Variants in NCK2 observed in about 807,000 individuals in gnomAD.
The protein encoded by NCK2 is NCK adaptor protein 2.
A neutral mutation model predicts 33.9 loss-of-function variants in NCK2; 16 were observed. That is an observed-to-expected ratio of 0.47 (90% CI 0.32 to 0.72). NCK2 has a LOEUF of 0.72. Among genes scored for constraint, NCK2 ranks in the 30% least tolerant of loss-of-function variants. The probability of loss-of-function intolerance (pLI) is 0.03; values close to 1 mark genes in which losing one functional copy is unlikely to be tolerated. For synonymous variants in NCK2, 273 were observed against 239.9 expected (o/e 1.14, Z -1.27); for missense variants, 418 against 537.3 (o/e 0.78, Z 2.19).
At chr2:105,882,312 T>A (rs754966125) in intron 4 of NCK2, among the ~76,000 whole-genome samples, 1 of 152,210 alleles carries the variant, frequency 6.6e-6, no homozygotes, top group African/African-American at 2.4e-5. Flanking sequence ...TCTCCCAAGA[T>A]TCCCCCTCTT....
At chr2:105,869,224 G>A (rs1296416205) in intron 3 of NCK2, among the ~76,000 whole-genome samples, 2 of 152,082 alleles carry the variant, frequency 1.3e-5, no homozygotes, top group African/African-American at 2.4e-5. Context: ...ATAGAGGTGC[G>A]TGCATACCTT....
At chr2:105,862,102 AG>A (rs1442338444) in intron 3 of NCK2, among the ~76,000 whole-genome samples, 1 of 152,198 alleles carries the variant, frequency 6.6e-6, no homozygotes, top group African/African-American at 2.4e-5. Flanking sequence ...ATGTAATGAG[AG>A]CAGCAACAGC....
chr2:105,859,659 A>C (rs1677437399), intron 3 of NCK2, among the ~76,000 whole-genome samples: 1 of 152,240 alleles, frequency 6.6e-6, no homozygotes, highest in East Asian at 1.9e-4. Flanking sequence ...TGAAATTGAC[A>C]GGGTTCTGAG....
intron 2 of NCK2, among the ~76,000 whole-genome samples, chr2:105,828,163 G>A (rs1676024195): frequency 6.6e-6 from 1 of 152,164 alleles, no homozygotes; most frequent in South Asian, 2.1e-4. Flanking sequence ...GTAGTTTGTA[G>A]TTTGGGATCT....
chr2:105,832,654 G>A lies in NCK2; in HGVS notation c.-17+16041G>A, dbSNP rs57930309. 8.4e-3 allele frequency among the ~76,000 whole-genome samples: 1,265 copies of A among 150,892 alleles called. 7 individuals are homozygous for A. Among genetic ancestry groups the A allele is most frequent in the African/African-American group, 0.019 (767 of 41,228 alleles). On this transcript the variant is annotated intron_variant, in intron 2 of 4. Transcript: ENST00000233154. Reference sequence around the variant, plus strand: ...TGCATTTCTGGAATGTGTCCCACTTGATCATGGTGTATTGTCTTTTTGATA... The same window carrying A: ...TGCATTTCTGGAATGTGTCCCACTTAATCATGGTGTATTGTCTTTTTGATA...
intron 1 of NCK2, among the ~76,000 whole-genome samples, chr2:105,809,914 C>T (rs1351756710): frequency 6.6e-6 from 1 of 152,146 alleles, no homozygotes; most frequent in Non-Finnish European, 1.5e-5. Flanking sequence ...CAGTTCCCAA[C>T]ACTGAGGGGG....
rs554425387 is a variant in NCK2, at chr2:105,767,786, A to AAGG, written c.-201+22659_-201+22661dup. On this transcript the variant is annotated intron_variant, in intron 1 of 4. Transcript: ENST00000233154. ...GAGGTTTCCGTGCCCGCACCTGGGA[A>AAGG]AGGAGGAGGAGGATACCCATTGTCT... 3.6e-4 allele frequency among the ~76,000 whole-genome samples: 55 copies of AAGG among 152,262 alleles called. No individual in the cohort carries two copies. The East Asian group carries it at 5.2e-3, about 14-fold the overall frequency.
At chr2:105,823,211 G>A (rs1344797527) in intron 2 of NCK2, among the ~76,000 whole-genome samples, 2 of 151,216 alleles carry the variant, frequency 1.3e-5, no homozygotes, top group Non-Finnish European at 2.9e-5. Flanking sequence ...TTAGTAAACT[G>A]GACCTTGAAC....
intron 3 of NCK2, among the ~76,000 whole-genome samples, chr2:105,876,726 G>C (rs929014038): frequency 3.3e-5 from 5 of 152,238 alleles, no homozygotes; most frequent in African/African-American, 1.2e-4. Flanking sequence ...ACAACTGGAA[G>C]CAGTAGGTGG....
intron 2 of NCK2, among the ~76,000 whole-genome samples, chr2:105,841,458 G>A (rs1051074460): frequency 2.6e-5 from 4 of 152,242 alleles, no homozygotes; most frequent in South Asian, 2.1e-4. Context: ...GAAGGGGCAC[G>A]GAGCTTCCAT....
rs138638216 is a variant in NCK2, at chr2:105,878,606, G to A, written c.227-2722G>A. Among the ~76,000 whole-genome samples the A allele has an allele frequency of 2.2e-3, 331 of 152,290 alleles. 1 individual carries two copies. The highest frequency in any genetic ancestry group is 7.0e-3 in the African/African-American group (290 of 41,560). On this transcript the variant is annotated intron_variant, in intron 3 of 4. Transcript: ENST00000233154. Reference sequence around the variant, plus strand: ...CCTCCAGAATTGTGAGGAAATAAATGTCTGTTGTTTAAGCCACCCAGTCTA... The same window carrying A: ...CCTCCAGAATTGTGAGGAAATAAATATCTGTTGTTTAAGCCACCCAGTCTA...
intron 4 of NCK2, among the ~76,000 whole-genome samples, chr2:105,891,567 TTG>T (rs1281188309): frequency 0.019 from 176 of 9,098 alleles, 30 homozygotes; most frequent in Middle Eastern, 0.083. Context: ...TTTTTTTTTT[TTG>T]AGATTTTTCG....
chr2:105,759,547 A>G lies in NCK2; in HGVS notation c.-201+14409A>G, dbSNP rs79837167. ...TTTAAATTTACAGAAAAAGTTTCAA[A>G]GATAATACAGAGAATTCTGATATAA... On this transcript the variant is annotated intron_variant, in intron 1 of 4. Transcript: ENST00000233154. Among the ~76,000 whole-genome samples the G allele has an allele frequency of 4.3e-4, 65 of 152,358 alleles. 2 individuals are homozygous for G. In the East Asian group the frequency reaches 0.012, roughly 27 times the overall value.
At chr2:105,780,257 G>A (rs778892513) in intron 1 of NCK2, among the ~76,000 whole-genome samples, 3 of 151,626 alleles carry the variant, frequency 2.0e-5, no homozygotes, top group African/African-American at 7.3e-5. Flanking sequence ...AGATTAAGTT[G>A]GGACCTGATA....
intron 3 of NCK2, among the ~76,000 whole-genome samples, chr2:105,861,162 C>T (rs1025530105): frequency 6.6e-6 from 1 of 152,156 alleles, no homozygotes; most frequent in African/African-American, 2.4e-5. Context: ...ATTTGAATTA[C>T]ATTCTTCAGT....
chr2:105,747,193 A>G (rs982695419), intron 1 of NCK2, among the ~76,000 whole-genome samples: 3 of 152,204 alleles, frequency 2.0e-5, no homozygotes, highest in African/African-American at 7.2e-5. Flanking sequence ...TGACCCTGCC[A>G]TATTCCCAGG....
intron 1 of NCK2, among the ~76,000 whole-genome samples, chr2:105,750,037 AACACAC>A (rs72315025): frequency 6.2e-5 from 9 of 144,454 alleles, no homozygotes; most frequent in African/African-American, 1.3e-4. Context: ...AAAGCAAACA[AACACAC>A]ACACACACAC....
intron 1 of NCK2, among the ~76,000 whole-genome samples, chr2:105,811,356 T>C (rs1002373014): frequency 6.6e-6 from 1 of 152,180 alleles, no homozygotes; most frequent in African/African-American, 2.4e-5. Flanking sequence ...TACAGCCCTG[T>C]CATCCTGACC....
intron 2 of NCK2, among the ~76,000 whole-genome samples, chr2:105,830,691 G>GTGTGTGTA (rs1553458049): frequency 1.4e-4 from 21 of 147,092 alleles, no homozygotes; most frequent in African/African-American, 4.9e-4. Flanking sequence ...GTGTGTGTGT[G>GTGTGTGTA]TGTGTGTGTG....
Sources: allele counts gnomAD v4.1 joint callset (sites outside exome capture counted in the v4.1 genomes callset), GRCh38; gene constraint gnomAD v4.1.1; transcripts MANE v1.5; gene names NCBI Gene and HGNC (gene_info 2026-07-23, HGNC 2026-07-21).